Variants in BABAM2 observed in about 807,000 individuals in gnomAD.
The protein encoded by BABAM2 is BRISC and BRCA1-A complex member 2.
In BABAM2, 31 loss-of-function variants were observed where a neutral mutation model predicts 54.7. The observed-to-expected ratio is 0.57, with a 90% CI of 0.43 to 0.77. BABAM2 has a LOEUF of 0.77. Ranked by LOEUF, BABAM2 falls within the 30% of genes least tolerant of loss-of-function variation. The pLI is 0.00. For missense variants in BABAM2, 364 were observed against 455.8 expected, an observed-to-expected ratio of 0.80 and a Z score of 1.83; for synonymous variants, 167 against 162.9, an observed-to-expected ratio of 1.03 and a Z score of -0.19.
At chr2:28,263,125 C>G (rs1412365670) in intron 10 of BABAM2, among the ~76,000 whole-genome samples, 1 of 104,646 alleles carries the variant, frequency 9.6e-6, no homozygotes, top group African/African-American at 3.8e-5. Context: ...CAGCAAGACA[C>G]TGTCTCAAAA....
chr2:28,105,646 T>C (rs1198048385), intron 6 of BABAM2, among the ~76,000 whole-genome samples: 1 of 152,182 alleles, frequency 6.6e-6, no homozygotes, highest in African/African-American at 2.4e-5. Context: ...GCGATGTATG[T>C]TAAGGTACGA....
chr2:28,048,486 A>G (rs1051343588), intron 6 of BABAM2, among the ~76,000 whole-genome samples: 3 of 152,232 alleles, frequency 2.0e-5, no homozygotes, highest in African/African-American at 7.2e-5. Context: ...TCACTAACAT[A>G]AACACGAAAA....
chr2:28,014,433 A>T (rs1046330605), intron 4 of BABAM2, among the ~76,000 whole-genome samples: 2 of 152,164 alleles, frequency 1.3e-5, no homozygotes, highest in African/African-American at 2.4e-5. Flanking sequence ...TTTTACCGGC[A>T]TACATTCAGT....
intron 7 of BABAM2, among the ~76,000 whole-genome samples, chr2:28,210,797 A>G (rs6752461): frequency 0.73 from 110,622 of 152,044 alleles, 42,052 homozygotes; most frequent in East Asian, 0.99. Context: ...TTAAAAATGA[A>G]TCTCCAAAAG....
chr2:28,241,676 G>A (rs1396379957), intron 9 of BABAM2, among the ~76,000 whole-genome samples: 1 of 151,890 alleles, frequency 6.6e-6, no homozygotes, highest in Non-Finnish European at 1.5e-5. Flanking sequence ...TGTATTTTTA[G>A]TAGAGACGGG....
intron 4 of BABAM2, among the ~76,000 whole-genome samples, chr2:28,018,411 A>AAT (rs1675004302): frequency 6.6e-6 from 1 of 152,156 alleles, no homozygotes; most frequent in South Asian, 2.1e-4. Context: ...TTGATTGATG[A>AAT]ATATTTGGGC....
chr2:27,984,560 A>G (rs889938442), intron 3 of BABAM2, among the ~76,000 whole-genome samples: 5 of 151,782 alleles, frequency 3.3e-5, no homozygotes, highest in African/African-American at 1.2e-4. Flanking sequence ...TGAAGGATAC[A>G]TTTTCTTGTT....
At chr2:28,147,005 G>A (rs1052484190) in intron 7 of BABAM2, among the ~76,000 whole-genome samples, 2 of 152,184 alleles carry the variant, frequency 1.3e-5, no homozygotes. Flanking sequence ...CTAAAATTCC[G>A]TAGTCTTTTT....
chr2:28,229,689 A>T (rs1681199732), intron 7 of BABAM2, among the ~76,000 whole-genome samples: 1 of 151,360 alleles, frequency 6.6e-6, no homozygotes, highest in South Asian at 2.1e-4. Flanking sequence ...GGTTCAAGTG[A>T]TTCTTCTGCC....
chr2:28,292,157 C>T (rs1687334024), intron 10 of BABAM2, among the ~76,000 whole-genome samples: 1 of 152,140 alleles, frequency 6.6e-6, no homozygotes, highest in African/African-American at 2.4e-5. Flanking sequence ...TGGGGGAAAG[C>T]GCAGAAATAT....
intron 7 of BABAM2, among the ~76,000 whole-genome samples, chr2:28,137,965 C>T (rs1457052401): frequency 6.6e-6 from 1 of 152,180 alleles, no homozygotes; most frequent in Non-Finnish European, 1.5e-5. Flanking sequence ...TAGCACCTTT[C>T]TGCAAAACAT....
intron 6 of BABAM2, among the ~76,000 whole-genome samples, chr2:28,061,351 C>T (rs1264047765): frequency 2.0e-5 from 3 of 151,596 alleles, no homozygotes; most frequent in Admixed American, 6.6e-5. Flanking sequence ...TTTGAGAGGC[C>T]GAGGCGGGCA....
intron 11 of BABAM2, chr2:28,310,271 A>G: frequency 2.2e-5 from 22 of 1,010,796 alleles, no homozygotes; most frequent in Non-Finnish European, 3.1e-5. Context: ...AGAGGAAGCC[A>G]CTCACCATCC....
At chr2:27,965,424 C>T (rs1670763318) in intron 3 of BABAM2, among the ~76,000 whole-genome samples, 1 of 152,114 alleles carries the variant, frequency 6.6e-6, no homozygotes, top group South Asian at 2.1e-4. Context: ...CAGCTATCAA[C>T]TCATGGTCAA....
chr2:28,276,007 C>CA (rs534951884), intron 10 of BABAM2, among the ~76,000 whole-genome samples: 3,630 of 110,766 alleles, frequency 0.033, 66 homozygotes, highest in Middle Eastern at 0.087. Context: ...ATTTTTATCT[C>CA]AAAAAAAAAA....
At chr2:28,025,940 C>T (rs1475792641) in intron 5 of BABAM2, among the ~76,000 whole-genome samples, 1 of 152,196 alleles carries the variant, frequency 6.6e-6, no homozygotes, top group East Asian at 1.9e-4. Context: ...ACCTTATGTA[C>T]TTCTCTTTTT....
intron 4 of BABAM2, among the ~76,000 whole-genome samples, chr2:28,022,822 C>T (rs1675371144): frequency 6.6e-6 from 1 of 152,200 alleles, no homozygotes; most frequent in African/African-American, 2.4e-5. Context: ...TTCTGTATCT[C>T]CTACTCAAGA....
intron 7 of BABAM2, among the ~76,000 whole-genome samples, chr2:28,194,004 C>T (rs561171035): frequency 2.0e-5 from 3 of 152,066 alleles, no homozygotes; most frequent in Admixed American, 6.5e-5. Flanking sequence ...GGGAAGACCC[C>T]GTAACCAAAT....
At chr2:28,057,178 T>TA (rs1189850591) in intron 6 of BABAM2, among the ~76,000 whole-genome samples, 1 of 152,194 alleles carries the variant, frequency 6.6e-6, no homozygotes, top group Non-Finnish European at 1.5e-5. Context: ...TGCCCAAAAA[T>TA]AAGCACAAAA....
Sources: allele counts gnomAD v4.1 joint callset (sites outside exome capture counted in the v4.1 genomes callset), GRCh38; gene constraint gnomAD v4.1.1; transcripts MANE v1.5; gene names NCBI Gene and HGNC (gene_info 2026-07-23, HGNC 2026-07-21).